WDPCP: variants seen among roughly 807,000 people sequenced by gnomAD.
The protein encoded by WDPCP is WD repeat containing planar cell polarity effector, also known as WD repeat-containing and planar cell polarity effector protein fritz homolog.
WDPCP carries 71 observed loss-of-function variants against 93.1 expected under a neutral mutation model. The ratio of observed to expected loss-of-function variants is 0.76; its 90% CI spans 0.63 to 0.93. WDPCP has a LOEUF of 0.93. Among genes scored for constraint, WDPCP ranks in the 40% least tolerant of loss-of-function variants. The pLI is 0.00. For synonymous variants in WDPCP, 315 were observed against 315.0 expected, an observed-to-expected ratio of 1.00 and a Z score of 0.00; for missense variants, 844 against 887.4, an observed-to-expected ratio of 0.95 and a Z score of 0.62.
intron 3 of WDPCP, among the ~76,000 whole-genome samples, chr2:63,617,059 C>T (rs769422608): frequency 6.6e-6 from 1 of 152,184 alleles, no homozygotes; most frequent in African/African-American, 2.4e-5. Flanking sequence ...TGGGGCAGAA[C>T]TGAGCACTTG....
intron 12 of WDPCP, among the ~76,000 whole-genome samples, chr2:63,354,900 G>A (rs749390785): frequency 6.6e-6 from 1 of 152,080 alleles, no homozygotes; most frequent in African/African-American, 2.4e-5. Context: ...AAAATAAAAA[G>A]AATAAAATGG....
chr2:63,534,732 T>C (rs1165197037), intron 1 of WDPCP, among the ~76,000 whole-genome samples: 11 of 152,128 alleles, frequency 7.2e-5, no homozygotes, highest in Admixed American at 6.6e-4. Context: ...CAGCTATTTA[T>C]GACAAACCCA....
In WDPCP at chr2:63,602,934, C is replaced by CTTTTTTTTTTTTTTTT. The variant is rs370479356; in HGVS notation, n.488+47709_488+47724dup. On this transcript the variant is annotated intron_variant and non_coding_transcript_variant, in intron 3 of 4. Coordinates refer to the WDPCP transcript ENST00000467687. ...ACATAATACAGTTTATTTAACCGTT[C>CTTTTTTTTTTTTTTTT]TTTTTTTTTTTTTTTTTTTTTTTTT... Among the ~76,000 whole-genome samples the CTTTTTTTTTTTTTTTT allele has an allele frequency of 2.5e-4, 33 of 131,596 alleles. 1 individual carries two copies. Among genetic ancestry groups the CTTTTTTTTTTTTTTTT allele is most frequent in the Non-Finnish European group, 3.7e-4 (22 of 59,594 alleles). 86.3% of individuals were successfully genotyped at this position (131,596 alleles called of 152,430 possible).
intron 1 of WDPCP, among the ~76,000 whole-genome samples, chr2:63,822,993 A>C (rs1671046100): frequency 6.6e-6 from 1 of 151,618 alleles, no homozygotes. Context: ...AAATCTTTGA[A>C]AAAATGGCAC....
intron 12 of WDPCP, among the ~76,000 whole-genome samples, chr2:63,341,004 C>A (rs996268822): frequency 6.6e-6 from 1 of 152,062 alleles, no homozygotes; most frequent in African/African-American, 2.4e-5. Flanking sequence ...TCTTCTGGGA[C>A]CTCTTAAGAG....
intron 9 of WDPCP, among the ~76,000 whole-genome samples, chr2:63,406,875 G>C (rs181937505): frequency 2.0e-5 from 3 of 152,164 alleles, no homozygotes; most frequent in African/African-American, 7.2e-5. Context: ...TGGCTTCAGG[G>C]GAGAAAGGTG....
chr2:63,266,281 G>T (rs1393351998), intron 13 of WDPCP, among the ~76,000 whole-genome samples: 1 of 152,134 alleles, frequency 6.6e-6, no homozygotes, highest in Non-Finnish European at 1.5e-5. Flanking sequence ...TGATAAATTT[G>T]CAGGTTGCAA....
At chr2:63,578,828 T>C (rs1708289276) in intron 1 of WDPCP, among the ~76,000 whole-genome samples, 1 of 152,200 alleles carries the variant, frequency 6.6e-6, no homozygotes, top group Admixed American at 6.5e-5. Flanking sequence ...GATTCTAGAA[T>C]GGCCTATCGA....
chr2:63,492,822 GA>G, intron 2 of WDPCP, 33 bp downstream of exon 2: 2 of 1,583,208 alleles, frequency 1.3e-6, no homozygotes, highest in Non-Finnish European at 1.7e-6. Flanking sequence ...TAACATATTT[GA>G]AAAATATTGA....
chr2:63,370,180 C>T (rs1002889126), intron 12 of WDPCP, among the ~76,000 whole-genome samples: 1 of 152,098 alleles, frequency 6.6e-6, no homozygotes, highest in Non-Finnish European at 1.5e-5. Flanking sequence ...ACCCTCATCC[C>T]TTGGCAGGAA....
At chr2:63,190,927 T>C (rs1674994088) in intron 14 of WDPCP, among the ~76,000 whole-genome samples, 1 of 152,228 alleles carries the variant, frequency 6.6e-6, no homozygotes, top group South Asian at 2.1e-4. Flanking sequence ...TGAAAGATCC[T>C]GAATTGGGTA....
chr2:63,225,004 T>C (rs914228067), intron 14 of WDPCP, among the ~76,000 whole-genome samples: 1 of 151,208 alleles, frequency 6.6e-6, no homozygotes, highest in Admixed American at 6.6e-5. Context: ...ACTGGGGTTA[T>C]AGGGGAAATC....
At chr2:63,555,430 C>A (rs1253694330) in intron 1 of WDPCP, among the ~76,000 whole-genome samples, 2 of 152,176 alleles carry the variant, frequency 1.3e-5, no homozygotes, top group African/African-American at 4.8e-5. Flanking sequence ...TCTAGAGAAT[C>A]CAGGCGGTCC....
intron 10 of WDPCP, among the ~76,000 whole-genome samples, chr2:63,386,246 C>T (rs1692721507): frequency 6.6e-6 from 1 of 151,850 alleles, no homozygotes; most frequent in Non-Finnish European, 1.5e-5. Context: ...ACTTTATAAA[C>T]AATGGTAAAA....
chr2:63,451,978 C>T (rs1558652978), intron 6 of WDPCP, among the ~76,000 whole-genome samples: 1 of 152,176 alleles, frequency 6.6e-6, no homozygotes, highest in East Asian at 1.9e-4. Flanking sequence ...AACCCACAGC[C>T]AATATCATAC....
chr2:63,326,010 G>A lies in WDPCP; in HGVS notation c.1749-12699C>T, dbSNP rs139679782. 2.2e-3 allele frequency among the ~76,000 whole-genome samples: 329 copies of A among 152,358 alleles called. 1 individual carries two copies. The highest frequency in any genetic ancestry group is 3.2e-3 in the Non-Finnish European group (220 of 68,028). Reference sequence around the variant, plus strand: ...AGGTTGACCTCACTGTTTACAGGTAGTTGCAGCGGTGGCTGTCTTAGTGTC... The same window carrying A: ...AGGTTGACCTCACTGTTTACAGGTAATTGCAGCGGTGGCTGTCTTAGTGTC... On this transcript the variant is annotated intron_variant, in intron 12 of 17. Transcript: ENST00000272321.
chr2:63,220,550 GT>G (rs199546651), intron 14 of WDPCP, among the ~76,000 whole-genome samples: 1,986 of 150,320 alleles, frequency 0.013, 47 homozygotes, highest in African/African-American at 0.047. Context: ...AGTCGTTGTA[GT>G]TTTTTTTTGT....
intron 3 of WDPCP, chr2:63,606,955 G>C: frequency 1.2e-6 from 2 of 1,612,572 alleles, no homozygotes; most frequent in Non-Finnish European, 1.7e-6. Context: ...AGAAGAAAAA[G>C]AAAGTGCTTT....
At chr2:63,178,256 A>AT (rs1264039361) in intron 14 of WDPCP, among the ~76,000 whole-genome samples, 1 of 151,974 alleles carries the variant, frequency 6.6e-6, no homozygotes, top group Non-Finnish European at 1.5e-5. Context: ...CCTTCTTTTA[A>AT]TTTTTTTGGA....
Sources: gnomAD v4.1 joint callset for allele counts (sites outside exome capture counted in the v4.1 genomes callset) on GRCh38, gnomAD v4.1.1 for gene constraint, MANE v1.5 for transcripts, NCBI Gene and HGNC (gene_info 2026-07-23, HGNC 2026-07-21) for gene names.